Variants in SBF2 observed in about 807,000 individuals in gnomAD.
SBF2 encodes myotubularin-related protein 13.
SBF2 carries 112 observed loss-of-function variants against 225.2 expected under a neutral mutation model. The observed-to-expected ratio is 0.50, with a 90% CI of 0.43 to 0.58. The LOEUF is 0.58. Ranked by LOEUF, SBF2 falls within the 20% of genes least tolerant of loss-of-function variation. SBF2 has a pLI of 0.00. For synonymous variants in SBF2, 763 were observed against 773.3 expected (o/e 0.99, Z 0.22); for missense variants, 1,996 against 2,206.2 (o/e 0.90, Z 1.91).
At chr11:9,980,968 A>G (rs10770079) in intron 13 of SBF2, among the ~76,000 whole-genome samples, 7,903 of 152,344 alleles carry the variant, frequency 0.052, 458 homozygotes, top group East Asian at 0.18. Flanking sequence ...CTCTTTCAAA[A>G]AAGTATTTAT....
chr11:9,842,492 G>T, intron 25 of SBF2, 133 bp downstream of exon 25: 1 of 830,760 alleles, frequency 1.2e-6, no homozygotes, highest in Non-Finnish European at 2.0e-6. Flanking sequence ...GTTCTAAGAA[G>T]CTGGTAAGTG....
rs560927304 is a variant in SBF2 at position 9,992,690 on chromosome 11, G to C, written c.1168-147C>G. ...TCATAAAATATATTTCTCTCAAAGA[G>C]AGTTATTCTGAAATACTACATATAT... On this transcript the variant is annotated intron_variant, in intron 11 of 39. Coordinates refer to ENST00000256190, the MANE Select transcript of SBF2 (RefSeq NM_030962.4). The C allele has an allele frequency of 5.2e-4, 408 of 782,512 alleles. 1 individual carries two copies. The South Asian group carries it at 6.5e-3, about 12-fold the overall frequency. The allele number at this position is 782,512 out of a possible 1,614,324, so 48.5% of individuals were successfully genotyped here.
chr11:9,822,034 A>G (rs1854783146), intron 28 of SBF2, among the ~76,000 whole-genome samples: 1 of 152,218 alleles, frequency 6.6e-6, no homozygotes, highest in Non-Finnish European at 1.5e-5. Context: ...AATGATAACA[A>G]TAACTATAAT....
chr11:10,227,541 A>G lies in SBF2; in HGVS notation c.56-33554T>C, dbSNP rs200954126. Among the ~76,000 whole-genome samples, 77 of 152,212 alleles carry G rather than the reference A, an allele frequency of 5.1e-4. 2 individuals are homozygous for G. The South Asian group carries it at 0.013, about 26-fold the overall frequency. ...ATCCAGTTTCAGCTTTCTACATATG[A>G]CTAGCCAGTTTTCCCAGCACCATTT... On this transcript the variant is annotated intron_variant, in intron 1 of 39. Coordinates refer to ENST00000256190, the MANE Select transcript of SBF2 (RefSeq NM_030962.4).
At chr11:9,842,994 G>C (rs1447674983) in intron 24 of SBF2, among the ~76,000 whole-genome samples, 1 of 152,180 alleles carries the variant, frequency 6.6e-6, no homozygotes, top group Non-Finnish European at 1.5e-5. Context: ...AAAACGTGCA[G>C]GAAAATGTAA....
At chr11:10,059,228 C>G (rs1054790894) in intron 2 of SBF2, among the ~76,000 whole-genome samples, 4 of 151,964 alleles carry the variant, frequency 2.6e-5, no homozygotes, top group Non-Finnish European at 2.9e-5. Flanking sequence ...CTGGATAAAG[C>G]TGGATAAAAA....
At chr11:10,231,639 A>C (rs1000811202) in intron 1 of SBF2, among the ~76,000 whole-genome samples, 8 of 152,336 alleles carry the variant, frequency 5.3e-5, no homozygotes, top group African/African-American at 1.7e-4. Flanking sequence ...GGTGAACTGC[A>C]AATGCTGCTG....
intron 2 of SBF2, among the ~76,000 whole-genome samples, chr11:10,161,813 AAATAAT>A (rs1955751595): frequency 6.6e-6 from 1 of 151,726 alleles, no homozygotes; most frequent in East Asian, 1.9e-4. Context: ...CAAAAAAAAA[AAATAAT>A]AATTAAAAAA....
At chr11:10,043,018 A>G in intron 2 of SBF2, 37 bp from the exon 3 acceptor site, 1 of 1,586,914 alleles carries the variant, frequency 6.3e-7, no homozygotes, top group Non-Finnish European at 8.6e-7. Flanking sequence ...ACATTTAAAA[A>G]CAATAAAAGT....
At chr11:9,959,942 A>G in intron 16 of SBF2, 1 of 306,584 alleles carries the variant, frequency 3.3e-6, no homozygotes, top group South Asian at 3.2e-5. Flanking sequence ...TCTTTTGCTC[A>G]TTTTCAAGTT....
intron 17 of SBF2, among the ~76,000 whole-genome samples, chr11:9,865,246 C>T (rs1487483532): frequency 6.6e-6 from 1 of 152,060 alleles, no homozygotes; most frequent in East Asian, 1.9e-4. Flanking sequence ...AGAAATATCT[C>T]TGTAAAAAAT....
chr11:10,007,460 C>G (rs1026132905), intron 6 of SBF2, among the ~76,000 whole-genome samples: 1 of 152,042 alleles, frequency 6.6e-6, no homozygotes, highest in Non-Finnish European at 1.5e-5. Context: ...GACAGAAAAC[C>G]AAAATTTTAA....
chr11:10,151,801 A>G (rs1432620500), intron 2 of SBF2, among the ~76,000 whole-genome samples: 2 of 152,148 alleles, frequency 1.3e-5, no homozygotes, highest in African/African-American at 2.4e-5. Context: ...CTTCCTCTTT[A>G]TATTTAAATA....
chr11:10,239,821 C>T (rs1959183791), intron 1 of SBF2, among the ~76,000 whole-genome samples: 1 of 152,068 alleles, frequency 6.6e-6, no homozygotes, highest in Non-Finnish European at 1.5e-5. Context: ...TATTGATATA[C>T]ATGTATATTT....
At chr11:9,861,913 A>G (rs1354825614) in intron 17 of SBF2, among the ~76,000 whole-genome samples, 1 of 152,184 alleles carries the variant, frequency 6.6e-6, no homozygotes, top group East Asian at 1.9e-4. Flanking sequence ...GTGGGACTAT[A>G]TATGTTCCAA....
chr11:10,172,737 G>A (rs765346820), intron 2 of SBF2, among the ~76,000 whole-genome samples: 2 of 149,838 alleles, frequency 1.3e-5, no homozygotes, highest in South Asian at 2.1e-4. Context: ...CGCCATCTTG[G>A]CTCACTGTAA....
intron 2 of SBF2, among the ~76,000 whole-genome samples, chr11:10,179,591 C>T (rs1415153480): frequency 2.0e-5 from 3 of 152,000 alleles, no homozygotes; most frequent in African/African-American, 4.8e-5. Flanking sequence ...CTTTCTGTCT[C>T]GATCTGTCCA....
intron 2 of SBF2, among the ~76,000 whole-genome samples, chr11:10,134,764 T>G (rs1246794908): frequency 1.3e-5 from 2 of 152,216 alleles, no homozygotes; most frequent in Non-Finnish European, 2.9e-5. Context: ...TCCGCCCCTG[T>G]GGCTTTGCAG....
At chr11:9,868,084 C>T (rs535862407) in intron 17 of SBF2, among the ~76,000 whole-genome samples, 2 of 151,992 alleles carry the variant, frequency 1.3e-5, no homozygotes, top group East Asian at 1.9e-4. Context: ...CATTACACAC[C>T]GTATACATGT....
Sources: gnomAD v4.1 joint callset for allele counts (sites outside exome capture counted in the v4.1 genomes callset) on GRCh38, gnomAD v4.1.1 for gene constraint, MANE v1.5 for transcripts, NCBI Gene and HGNC (gene_info 2026-07-23, HGNC 2026-07-21) for gene names.